Variants in DCC observed in about 807,000 individuals in gnomAD.
DCC encodes the protein netrin receptor DCC.
In DCC, 58 loss-of-function variants were observed where a neutral mutation model predicts 172.5. That is an observed-to-expected ratio of 0.34 (90% CI 0.27 to 0.42). The LOEUF is 0.42. DCC is among the 10% of genes least tolerant of loss of function. DCC has a pLI of 1.00. For missense variants in DCC, 1,740 were observed against 1,791.0 expected, an observed-to-expected ratio of 0.97 and a Z score of 0.51; for synonymous variants, 709 against 644.5, an observed-to-expected ratio of 1.10 and a Z score of -1.52.
At chr18:52,979,341 G>C (rs765516701) in intron 5 of DCC, among the ~76,000 whole-genome samples, 1 of 152,118 alleles carries the variant, frequency 6.6e-6, no homozygotes. Flanking sequence ...ACAGCATTTA[G>C]GAGTCAGAAA....
chr18:52,864,941 CT>C (rs2039198447), intron 2 of DCC, among the ~76,000 whole-genome samples: 1 of 152,046 alleles, frequency 6.6e-6, no homozygotes, highest in Non-Finnish European at 1.5e-5. Context: ...TCTTGGCTCA[CT>C]GCCAGCTCTG....
At chr18:52,892,414 T>A (rs375340905) in intron 2 of DCC, 3 of 152,058 alleles carry the variant, frequency 2.0e-5, no homozygotes, top group Non-Finnish European at 2.9e-5. Context: ...TCAGACTAGG[T>A]GTCATGTGAT....
chr18:53,060,576 T>C (rs183521873), intron 5 of DCC, among the ~76,000 whole-genome samples: 4 of 152,280 alleles, frequency 2.6e-5, no homozygotes, highest in Admixed American at 2.6e-4. Context: ...AGGAAATAAT[T>C]GTTGAGGCAT....
intron 12 of DCC, among the ~76,000 whole-genome samples, chr18:53,295,748 T>G (rs1370305010): frequency 6.6e-6 from 1 of 152,218 alleles, no homozygotes; most frequent in African/African-American, 2.4e-5. Flanking sequence ...TTTTGTTTTT[T>G]CTTTTGGAAA....
intron 1 of DCC, among the ~76,000 whole-genome samples, chr18:52,638,495 C>T (rs1289048876): frequency 6.6e-6 from 1 of 152,082 alleles, no homozygotes; most frequent in Non-Finnish European, 1.5e-5. Flanking sequence ...ATGGAAAAGG[C>T]ATTTTGTGCA....
intron 1 of DCC, among the ~76,000 whole-genome samples, chr18:52,610,730 A>T (rs574153940): frequency 1.7e-4 from 26 of 152,128 alleles, no homozygotes; most frequent in Non-Finnish European, 3.5e-4. Context: ...ACAATATGTA[A>T]ATGAATGGGT....
intron 17 of DCC, 137 bp from the exon 18 acceptor site, chr18:53,397,171 G>T: frequency 1.3e-6 from 1 of 768,508 alleles, no homozygotes; most frequent in Middle Eastern, 3.1e-4. Context: ...ATTCGAGTCA[G>T]TGCTATGCTC....
Position 52,506,359 on chromosome 18 carries a change from T to C in DCC, c.91+165481T>C, listed in dbSNP as rs189486719. Among the ~76,000 whole-genome samples the C allele has an allele frequency of 3.8e-3, 577 of 152,228 alleles. 7 individuals are homozygous for C. The highest frequency in any genetic ancestry group is 0.02 in the Middle Eastern group (6 of 294). On this transcript the variant is annotated intron_variant, in intron 1 of 28. Coordinates refer to ENST00000442544, the MANE Select transcript of DCC (RefSeq NM_005215.4). ...TTAGATTTTTTAAAACTATTTAAGG[T>C]TGACCTGTGAAAACCCATATAAACA...
Position 52,683,945 on chromosome 18 carries a change from A to G in DCC, c.92-68109A>G, listed in dbSNP as rs1450509775. 3.9e-5 allele frequency among the ~76,000 whole-genome samples: 6 copies of G among 152,106 alleles called. No individual in the cohort carries two copies. In the East Asian group the frequency reaches 1.2e-3, roughly 29 times the overall value. ...TATGGATGCATTTGAATAAAATTGA[A>G]CCATTATCTTAGGAACCTCTAGTTT... is the stretch of plus-strand genomic sequence containing the variant. On this transcript the variant is annotated intron_variant, in intron 1 of 28. Transcript: ENST00000442544.
At chr18:53,463,029 C>G (rs187381093) in intron 24 of DCC, among the ~76,000 whole-genome samples, 1 of 152,356 alleles carries the variant, frequency 6.6e-6, no homozygotes, top group African/African-American at 2.4e-5. Flanking sequence ...AACAGGCTTT[C>G]GCCTGGGGAG....
intron 5 of DCC, among the ~76,000 whole-genome samples, chr18:53,004,862 A>G (rs62097903): frequency 0.33 from 49,853 of 152,054 alleles, 9,224 homozygotes; most frequent in Non-Finnish European, 0.43. Context: ...TGTGGTTTCA[A>G]TGTACTCTCC....
chr18:53,370,361 G>A (rs1016939321), intron 15 of DCC, among the ~76,000 whole-genome samples: 18 of 151,638 alleles, frequency 1.2e-4, no homozygotes, highest in African/African-American at 4.4e-4. Context: ...TCAAGCCAAA[G>A]GTTTGCCAAT....
In DCC at chr18:53,309,962, G is replaced by GTATA. The variant is rs5825007; in HGVS notation, c.2053+4244_2053+4245insATAT. On this transcript the variant is annotated intron_variant, in intron 13 of 28. Coordinates refer to ENST00000442544, the MANE Select transcript of DCC (RefSeq NM_005215.4). ...TATATATACATGTATATATACGTGT[G>GTATA]TGTATATATATATATATATACTCTT... Among the ~76,000 whole-genome samples, 823 of 133,278 alleles carry GTATA rather than the reference G, an allele frequency of 6.2e-3. 9 individuals are homozygous for GTATA. Among genetic ancestry groups the GTATA allele is most frequent in the African/African-American group, 0.021 (742 of 34,548 alleles). The allele number at this position is 133,278 out of a possible 152,430, so 87.4% of individuals were successfully genotyped here. A position where few individuals can be genotyped will look rare whatever the true frequency, so the allele number is the denominator to read the frequency against.
At chr18:53,425,462 C>T (rs186434540) in intron 21 of DCC, among the ~76,000 whole-genome samples, 49 of 147,264 alleles carry the variant, frequency 3.3e-4, no homozygotes, top group Non-Finnish European at 6.0e-5. Flanking sequence ...TGGGTTCAAG[C>T]GATTCTCCTG....
At chr18:52,424,349 C>T (rs963955467) in intron 1 of DCC, among the ~76,000 whole-genome samples, 4 of 152,110 alleles carry the variant, frequency 2.6e-5, no homozygotes, top group Non-Finnish European at 5.9e-5. Flanking sequence ...CAGCACCTTT[C>T]TAACTCTAAA....
intron 7 of DCC, among the ~76,000 whole-genome samples, chr18:53,066,597 A>G (rs1455747327): frequency 6.6e-6 from 1 of 151,098 alleles, no homozygotes; most frequent in Non-Finnish European, 1.5e-5. Flanking sequence ...CCTTGCATAT[A>G]TGTTAGGTGT....
In DCC at chr18:52,423,869, T is replaced by G. The variant is rs1420365587; in HGVS notation, c.91+82991T>G. Among the ~76,000 whole-genome samples the G allele has an allele frequency of 2.8e-4, 42 of 152,156 alleles. 1 individual carries two copies. The highest frequency in any genetic ancestry group is 2.8e-3 in the Admixed American group (42 of 15,262). On this transcript the variant is annotated intron_variant, in intron 1 of 28. Transcript: ENST00000442544. ...AGATAACTTTTTGAAGATTAATATG[T>G]TATGAGTATAAAATAACCCTCTGGT... is the stretch of plus-strand genomic sequence containing the variant.
chr18:52,593,224 T>C (rs1490682627), intron 1 of DCC, among the ~76,000 whole-genome samples: 2 of 152,186 alleles, frequency 1.3e-5, no homozygotes, highest in Non-Finnish European at 2.9e-5. Flanking sequence ...ATTTTCCAAC[T>C]TACAGGGTTT....
intron 1 of DCC, among the ~76,000 whole-genome samples, chr18:52,364,931 T>C (rs186140557): frequency 1.6e-4 from 25 of 152,308 alleles, no homozygotes; most frequent in East Asian, 5.8e-4. Flanking sequence ...GAGACTTACA[T>C]TGGGGGACTT....
Sources: gnomAD v4.1 joint callset for allele counts (sites outside exome capture counted in the v4.1 genomes callset) on GRCh38, gnomAD v4.1.1 for gene constraint, MANE v1.5 for transcripts, NCBI Gene and HGNC (gene_info 2026-07-23, HGNC 2026-07-21) for gene names.